The following TULP4 variants were observed in gnomAD, a reference collection of about 807,000 sequenced individuals.
The protein encoded by TULP4 is TUB like protein 4, also known as tubby-related protein 4.
Under a neutral mutation model 129.0 loss-of-function variants are expected in TULP4, and 16 were observed. That is an observed-to-expected ratio of 0.12 (90% CI 0.08 to 0.19). The LOEUF (loss-of-function observed/expected upper bound fraction) is 0.19, where lower values mean the gene tolerates loss of function less well. Ranked by LOEUF, TULP4 falls within the 10% of genes least tolerant of loss-of-function variation. TULP4 has a pLI of 1.00. For missense variants in TULP4, 1,842 were observed against 2,059.1 expected, an observed-to-expected ratio of 0.89 and a Z score of 2.04; for synonymous variants, 998 against 854.0, an observed-to-expected ratio of 1.17 and a Z score of -2.94.
chr6:158,348,479 G>A (rs1052010603), intron 1 of TULP4, among the ~76,000 whole-genome samples: 1 of 152,106 alleles, frequency 6.6e-6, no homozygotes, highest in Non-Finnish European at 1.5e-5. Flanking sequence ...GTTTCAGAGA[G>A]CAGGGGGTTA....
At chr6:158,358,333 T>C (rs1780694363) in intron 1 of TULP4, among the ~76,000 whole-genome samples, 1 of 152,246 alleles carries the variant, frequency 6.6e-6, no homozygotes, top group Non-Finnish European at 1.5e-5. Context: ...TTGGTGATAT[T>C]ATGCTCAGAA....
chr6:158,493,652 C>T lies in TULP4; in HGVS notation c.1711C>T (p.Arg571Cys), dbSNP rs1780264668. Residue 571 changes from arginine to cysteine, a missense_variant, in exon 10 of 14, where the codon CGC (arginine) becomes TGC (cysteine). Arg to Cys is a radical substitution (Grantham distance 180, BLOSUM62 -3). Transcript: ENST00000367097. This position sits in a 1 kb window ranked among gnomAD's most constrained non-coding sequence, Gnocchi z 4.4. ...ELSRSPRLPL[R>C]KPSVGSPSLT... ...CTCCCGGTCCCCACGGTTGCCCCTG[C>T]GCAAGCCCTCTGTGGGCTCGCCCAG... 1.3e-6 allele frequency: 2 copies of T among 1,599,442 alleles called. No individual in the cohort carries two copies. The highest frequency in any genetic ancestry group is 1.1e-5 in the South Asian group (1 of 88,986).
At chr6:158,268,174 T>C (rs1418353425) in intron 1 of TULP4, among the ~76,000 whole-genome samples, 2 of 151,958 alleles carry the variant, frequency 1.3e-5, no homozygotes, top group African/African-American at 4.8e-5. Context: ...TAGCTGGGAT[T>C]ACAGGCATGC....
chr6:158,408,640 G>A (rs1343411204), intron 1 of TULP4, among the ~76,000 whole-genome samples: 2 of 152,140 alleles, frequency 1.3e-5, no homozygotes, highest in African/African-American at 2.4e-5. Context: ...TGTGCAGCTG[G>A]TGAGTGAATG....
chr6:158,291,387 C>T lies in TULP4; in HGVS notation n.116+9009C>T, dbSNP rs563506112. Among the ~76,000 whole-genome samples, 48 of 152,234 alleles carry T rather than the reference C, an allele frequency of 3.2e-4. 1 individual carries two copies. The South Asian group carries it at 6.9e-3, about 22-fold the overall frequency. On this transcript the variant is annotated intron_variant and non_coding_transcript_variant, in intron 1 of 1. Coordinates refer to the TULP4 transcript ENST00000432358. ...TTTCATTGATTTTGGCAGCCAGTGC[C>T]GCTGTTGAGATGTCTCTGTCATCTA...
At chr6:158,431,240 G>A (rs902972848) in intron 3 of TULP4, among the ~76,000 whole-genome samples, 2 of 152,036 alleles carry the variant, frequency 1.3e-5, no homozygotes, top group Admixed American at 1.3e-4. Flanking sequence ...GATCTTTCCT[G>A]TATCAGTTTC....
chr6:158,378,091 A>T (rs1777233510), intron 1 of TULP4, among the ~76,000 whole-genome samples: 1 of 152,154 alleles, frequency 6.6e-6, no homozygotes, highest in African/African-American at 2.4e-5. Context: ...GCTTGCTTTC[A>T]GTCTGCTGGG....
intron 1 of TULP4, among the ~76,000 whole-genome samples, chr6:158,402,935 C>T (rs188915250): frequency 2.7e-5 from 4 of 149,456 alleles, no homozygotes; most frequent in African/African-American, 4.9e-5. Context: ...GAATAACAAC[C>T]GATAACAGCA....
intron 1 of TULP4, among the ~76,000 whole-genome samples, chr6:158,386,089 C>T (rs575679025): frequency 6.5e-4 from 99 of 152,116 alleles, no homozygotes; most frequent in Non-Finnish European, 1.2e-3. Context: ...AAGTGATCCT[C>T]ATACCTCAGC....
chr6:158,500,524 C>T (rs1780420710), intron 12 of TULP4, among the ~76,000 whole-genome samples: 1 of 152,230 alleles, frequency 6.6e-6, no homozygotes. Context: ...CCTCAGATTT[C>T]TGGATCAGTG....
Position 158,501,983 on chromosome 6 carries a change from T to C in TULP4, c.2320T>C (p.Ser774Pro), listed in dbSNP as rs563523785. ...CATCATTCAGAACCCCCCTCCACTG[T>C]CCCTGCCTCCCCCGCCGCAGGGGCC... ...GRIIQNPPPL[S>P]LPPPPQGPMQ... Residue 774 changes from serine to proline, a missense_variant, in exon 13 of 14, where the codon TCC (serine) becomes CCC (proline). Ser to Pro is a moderately conservative substitution (Grantham distance 74, BLOSUM62 -1). Around this residue, in one of 5 missense-constraint regions of TULP4, gnomAD observed 1,089 missense variants for 987.1 expected, o/e 1.10. Coordinates refer to ENST00000367097, the MANE Select transcript of TULP4 (RefSeq NM_020245.5). The C allele has an allele frequency of 1.3e-5, 21 of 1,612,508 alleles. No individual in the cohort carries two copies. The highest frequency in any genetic ancestry group is 1.6e-5 in the Non-Finnish European group (19 of 1,179,548).
intron 8 of TULP4, among the ~76,000 whole-genome samples, chr6:158,486,860 C>T (rs1780084442): frequency 6.6e-6 from 1 of 152,138 alleles, no homozygotes; most frequent in Admixed American, 6.5e-5. Context: ...CCTGTAATCC[C>T]AGCACTTTGG....
intron 6 of TULP4, among the ~76,000 whole-genome samples, chr6:158,472,482 A>T (rs1779709905): frequency 6.6e-6 from 1 of 152,202 alleles, no homozygotes; most frequent in Non-Finnish European, 1.5e-5. Context: ...TAGAAAGTTA[A>T]ATAATGATGC....
chr6:158,237,010 T>C (rs1177479510), intron 1 of TULP4, among the ~76,000 whole-genome samples: 2 of 151,700 alleles, frequency 1.3e-5, no homozygotes, highest in Middle Eastern at 3.4e-3. Flanking sequence ...AGGGTTTCAC[T>C]GTGTTGGCCA....
chr6:158,462,386 T>C (rs1779448521), intron 6 of TULP4, among the ~76,000 whole-genome samples: 1 of 51,100 alleles, frequency 2.0e-5, no homozygotes, highest in Admixed American at 1.7e-4. Context: ...TTTTTCTTTC[T>C]TTTTTTTTTT....
chr6:158,337,103 T>C (rs1211704905), intron 1 of TULP4, among the ~76,000 whole-genome samples: 1 of 146,800 alleles, frequency 6.8e-6, no homozygotes, highest in Non-Finnish European at 1.5e-5. Flanking sequence ...TCTCTCTCTT[T>C]TTTTCTCTCT....
At chr6:158,461,448 T>G in intron 5 of TULP4, 115 bp from the exon 6 acceptor site, 1 of 989,990 alleles carries the variant, frequency 1.0e-6, no homozygotes. Context: ...TGAATATATT[T>G]TTGTTGTATT....
intron 1 of TULP4, among the ~76,000 whole-genome samples, chr6:158,382,759 A>G (rs1179273706): frequency 6.6e-6 from 1 of 152,202 alleles, no homozygotes; most frequent in African/African-American, 2.4e-5. Flanking sequence ...GCCTGGAGAA[A>G]TGGTAATTTC....
intron 1 of TULP4, among the ~76,000 whole-genome samples, chr6:158,327,735 A>G (rs1779777742): frequency 6.7e-6 from 1 of 149,696 alleles, no homozygotes; most frequent in Non-Finnish European, 1.5e-5. Context: ...GGTGTGTGTG[A>G]GTGTGTATAG....
Sources: gnomAD v4.1 joint callset for allele counts (sites outside exome capture counted in the v4.1 genomes callset) on GRCh38, gnomAD v4.1.1 for gene constraint, gnomAD v4.1.1 regional missense constraint, Gnocchi (gnomAD v3.1) non-coding constraint, MANE v1.5 for transcripts, NCBI Gene and HGNC (gene_info 2026-07-23, HGNC 2026-07-21) for gene names.